EYS: variants seen among roughly 807,000 people sequenced by gnomAD.
The protein encoded by EYS is protein eyes shut homolog.
EYS carries 250 observed loss-of-function variants against 282.1 expected under a neutral mutation model. That is an observed-to-expected ratio of 0.89 (90% CI 0.80 to 0.98). EYS has a LOEUF of 0.98. Ranked by LOEUF, EYS falls within the 50% of genes least tolerant of loss-of-function variation. The pLI is 0.00. For synonymous variants in EYS, 1,355 were observed against 1,282.9 expected (o/e 1.06, Z -1.20); for missense variants, 4,016 against 3,709.0 (o/e 1.08, Z -2.15).
At chr6:64,979,264 T>C (rs890672001) in intron 14 of EYS, among the ~76,000 whole-genome samples, 1 of 151,830 alleles carries the variant, frequency 6.6e-6, no homozygotes, top group African/African-American at 2.4e-5. Flanking sequence ...TTAACAATTT[T>C]ATGAAGTAAC....
intron 35 of EYS, among the ~76,000 whole-genome samples, chr6:63,937,541 CG>C (rs933254782): frequency 5.3e-5 from 8 of 150,924 alleles, no homozygotes; most frequent in African/African-American, 1.9e-4. Context: ...CCACCACGAC[CG>C]GTTAATTTTT....
chr6:64,237,943 G>A (rs1262460500), intron 30 of EYS, among the ~76,000 whole-genome samples: 1 of 151,940 alleles, frequency 6.6e-6, no homozygotes, highest in Non-Finnish European at 1.5e-5. Context: ...AATCATACAA[G>A]GAAAAATTAA....
intron 2 of EYS, among the ~76,000 whole-genome samples, chr6:65,638,532 G>A (rs1767168685): frequency 1.3e-5 from 2 of 152,202 alleles, no homozygotes; most frequent in Admixed American, 6.5e-5. Flanking sequence ...GGTTCCTGGC[G>A]TCTCGAAGCT....
At chr6:64,547,725 C>T (rs1465024132) in intron 26 of EYS, among the ~76,000 whole-genome samples, 2 of 152,240 alleles carry the variant, frequency 1.3e-5, no homozygotes, top group Non-Finnish European at 1.5e-5. Flanking sequence ...CATGCACCCT[C>T]ACTCCTCAGC....
intron 15 of EYS, among the ~76,000 whole-genome samples, chr6:64,933,203 A>C (rs1218543057): frequency 6.6e-6 from 1 of 152,000 alleles, no homozygotes; most frequent in Non-Finnish European, 1.5e-5. Context: ...ATCAGTAATA[A>C]AAATAAAGGA....
At chr6:64,249,089 A>ACCTGCACTCATATGT (rs1238659771) in intron 30 of EYS, among the ~76,000 whole-genome samples, 1 of 149,138 alleles carries the variant, frequency 6.7e-6, no homozygotes, top group African/African-American at 2.5e-5. Context: ...AAAAAAAGAT[A>ACCTGCACTCATATGT]CCTGCACTCA....
At chr6:64,305,605 G>T (rs942076562) in intron 30 of EYS, among the ~76,000 whole-genome samples, 1 of 152,150 alleles carries the variant, frequency 6.6e-6, no homozygotes, top group South Asian at 2.1e-4. Context: ...TTTGACAAGG[G>T]TGCCACATAC....
intron 7 of EYS, among the ~76,000 whole-genome samples, chr6:65,401,781 T>C (rs1204801637): frequency 6.6e-6 from 1 of 151,982 alleles, no homozygotes; most frequent in Non-Finnish European, 1.5e-5. Flanking sequence ...ATTTTCTGCC[T>C]TTATGAATAT....
intron 22 of EYS, among the ~76,000 whole-genome samples, chr6:64,694,075 C>T (rs557246613): frequency 6.6e-6 from 1 of 152,044 alleles, no homozygotes; most frequent in South Asian, 2.1e-4. Context: ...ATTTTTTTCT[C>T]TATACAAAAT....
intron 12 of EYS, among the ~76,000 whole-genome samples, chr6:65,126,805 C>A (rs1469275606): frequency 6.6e-6 from 1 of 152,118 alleles, no homozygotes; most frequent in Non-Finnish European, 1.5e-5. Context: ...AAAGTGCTGG[C>A]GTTCCAAAAA....
intron 26 of EYS, among the ~76,000 whole-genome samples, chr6:64,580,374 G>GT (rs1256040703): frequency 6.6e-6 from 1 of 152,076 alleles, no homozygotes; most frequent in Non-Finnish European, 1.5e-5. Flanking sequence ...AATCTTCAAG[G>GT]TTTTTTTCAC....
intron 5 of EYS, among the ~76,000 whole-genome samples, chr6:65,413,629 G>A (rs1424873607): frequency 6.6e-6 from 1 of 152,014 alleles, no homozygotes; most frequent in Admixed American, 6.6e-5. Flanking sequence ...GGAGGCTGAG[G>A]CGCACCGATC....
At chr6:64,310,753 A>C (rs1006049118) in intron 29 of EYS, among the ~76,000 whole-genome samples, 2 of 119,576 alleles carry the variant, frequency 1.7e-5, no homozygotes, top group Non-Finnish European at 1.9e-5. Context: ...AAGAAAAAAC[A>C]TATTTTAAAA....
chr6:65,149,512 G>A (rs1037638409), intron 12 of EYS, among the ~76,000 whole-genome samples: 1 of 151,866 alleles, frequency 6.6e-6, no homozygotes, highest in South Asian at 2.1e-4. Flanking sequence ...ACAAGTTTCT[G>A]TCTTCTTCTG....
chr6:65,527,292 C>A (rs566314131), intron 2 of EYS, among the ~76,000 whole-genome samples: 1 of 152,250 alleles, frequency 6.6e-6, no homozygotes, highest in East Asian at 1.9e-4. Context: ...AAAGGAGTTT[C>A]CTTATGACTA....
intron 11 of EYS, among the ~76,000 whole-genome samples, chr6:65,305,290 T>G (rs1252364155): frequency 6.6e-6 from 1 of 152,214 alleles, no homozygotes; most frequent in Non-Finnish European, 1.5e-5. Context: ...TTTGTCAGTT[T>G]TGGCTTTTTT....
intron 12 of EYS, among the ~76,000 whole-genome samples, chr6:65,166,824 A>C (rs1454545972): frequency 6.6e-6 from 1 of 151,232 alleles, no homozygotes. Context: ...ATATAGAATG[A>C]ACTCATAAGA....
chr6:64,535,581 A>C (rs1279477619), intron 26 of EYS, among the ~76,000 whole-genome samples: 1 of 151,584 alleles, frequency 6.6e-6, no homozygotes, highest in African/African-American at 2.4e-5. Context: ...CTACCAAAAA[A>C]AAAAAAAAAA....
At chr6:65,055,279 A>G (rs1773380257) in intron 13 of EYS, among the ~76,000 whole-genome samples, 1 of 152,096 alleles carries the variant, frequency 6.6e-6, no homozygotes, top group Admixed American at 6.6e-5. Context: ...CACTATGTCC[A>G]GCCTAATGTA....
Sources: allele counts gnomAD v4.1 joint callset (sites outside exome capture counted in the v4.1 genomes callset), GRCh38; gene constraint gnomAD v4.1.1; transcripts MANE v1.5; gene names NCBI Gene and HGNC (gene_info 2026-07-23, HGNC 2026-07-21).